The following PCDHA3 variants were observed in gnomAD, a reference collection of about 807,000 sequenced individuals.
The protein encoded by PCDHA3 is protocadherin alpha-3.
PCDHA3 carries 41 observed loss-of-function variants against 62.2 expected under a neutral mutation model. The observed-to-expected ratio is 0.66, with a 90% CI of 0.51 to 0.86. PCDHA3 has a LOEUF of 0.86. Among genes scored for constraint, PCDHA3 ranks in the 40% least tolerant of loss-of-function variants. The pLI is 0.00. For synonymous variants in PCDHA3, 640 were observed against 555.4 expected (o/e 1.15, Z -2.14); for missense variants, 1,304 against 1,241.2 (o/e 1.05, Z -0.76).
intron 3 of PCDHA3, among the ~76,000 whole-genome samples, chr5:140,991,033 T>C (rs2097428117): frequency 6.6e-6 from 1 of 152,212 alleles, no homozygotes; most frequent in African/African-American, 2.4e-5. Context: ...ATATGTTGCA[T>C]ACTTAACTTT....
intron 1 of PCDHA3, chr5:140,967,316 A>G (rs368129984): frequency 4.3e-6 from 7 of 1,610,310 alleles, no homozygotes; most frequent in African/African-American, 4.0e-5. Context: ...CTCAGTACAG[A>G]CCTACGAGCT....
intron 1 of PCDHA3, among the ~76,000 whole-genome samples, chr5:140,958,643 T>C (rs2095435479): frequency 1.3e-5 from 2 of 152,020 alleles, no homozygotes. Flanking sequence ...AGAAAACCAA[T>C]CACAGAAAGC....
intron 3 of PCDHA3, among the ~76,000 whole-genome samples, chr5:140,993,994 A>T (rs1393081374): frequency 6.6e-6 from 1 of 152,234 alleles, no homozygotes; most frequent in African/African-American, 2.4e-5. Context: ...CACTTAGGTC[A>T]GGCCAGGCTC....
chr5:140,927,756 T>G (rs782307164), intron 1 of PCDHA3: 2 of 1,614,012 alleles, frequency 1.2e-6, no homozygotes, highest in South Asian at 1.1e-5. Flanking sequence ...ACGTGCACCC[T>G]AAAAGTGGGG....
At chr5:140,894,527 G>T (rs1184887485) in intron 1 of PCDHA3, among the ~76,000 whole-genome samples, 1 of 151,472 alleles carries the variant, frequency 6.6e-6, no homozygotes, top group African/African-American at 2.4e-5. Flanking sequence ...ATGCTGTTAT[G>T]TGCCTTCTGG....
intron 1 of PCDHA3, chr5:140,928,982 G>T: frequency 6.2e-7 from 1 of 1,613,824 alleles, no homozygotes; most frequent in Non-Finnish European, 8.5e-7. Flanking sequence ...TTATTTCTGG[G>T]GTGCTTACTT....
intron 1 of PCDHA3, chr5:140,967,077 G>A (rs1483899506): frequency 1.9e-6 from 3 of 1,613,140 alleles, no homozygotes; most frequent in South Asian, 1.1e-5. Context: ...GTCAACGAGC[G>A]CATTGATCGG....
intron 1 of PCDHA3, chr5:140,858,779 C>T (rs771428982): frequency 5.0e-6 from 2 of 403,886 alleles, no homozygotes; most frequent in Non-Finnish European, 9.0e-6. Flanking sequence ...ATTAGTACTT[C>T]ATGTTATTTC....
At chr5:140,818,416 A>G (rs1766351066) in intron 1 of PCDHA3, among the ~76,000 whole-genome samples, 1 of 152,192 alleles carries the variant, frequency 6.6e-6, no homozygotes, top group African/African-American at 2.4e-5. Context: ...TTCCTTTTTA[A>G]AAATATATTT....
At chr5:140,987,960 C>G (rs2097275437) in intron 3 of PCDHA3, among the ~76,000 whole-genome samples, 1 of 152,120 alleles carries the variant, frequency 6.6e-6, no homozygotes, top group African/African-American at 2.4e-5. Flanking sequence ...AACCAACTCC[C>G]CATGGAAAGA....
chr5:140,842,441 G>T (rs1554139039), intron 1 of PCDHA3: 3 of 1,613,636 alleles, frequency 1.9e-6, no homozygotes, highest in Non-Finnish European at 2.5e-6. Flanking sequence ...CCTAATTAGC[G>T]TGAACGACCT....
chr5:140,837,615 C>T (rs1253493684), intron 1 of PCDHA3, among the ~76,000 whole-genome samples: 3 of 145,806 alleles, frequency 2.1e-5, no homozygotes, highest in Non-Finnish European at 4.5e-5. Flanking sequence ...TATAATTTGC[C>T]CCTTCCTTCC....
chr5:140,888,088 C>G (rs941828532), intron 1 of PCDHA3, among the ~76,000 whole-genome samples: 3 of 151,906 alleles, frequency 2.0e-5, no homozygotes, highest in African/African-American at 4.8e-5. Flanking sequence ...ACATTTTTGT[C>G]CTTAGTTTGC....
rs782449567 is a variant in PCDHA3, at chr5:140,928,010, G to T, written c.2395-50939G>T. 4.3e-6 allele frequency: 7 copies of T among 1,614,168 alleles called. No individual in the cohort carries two copies. In the South Asian group the frequency reaches 6.6e-5, roughly 15 times the overall value. On this transcript the variant is annotated intron_variant, in intron 1 of 3. Coordinates refer to ENST00000522353, the MANE Select transcript of PCDHA3 (RefSeq NM_018906.3). Reference sequence around the variant, plus strand: ...AAGGATGAAGACCTCGATTCTAATGGTAGGGTCATTTGTGGCATGTCTAGT... The same window carrying T: ...AAGGATGAAGACCTCGATTCTAATGTTAGGGTCATTTGTGGCATGTCTAGT...
At position 140,801,845 on chromosome 5, in the gene PCDHA3, T is replaced by A. The variant is rs781833245; in HGVS notation, c.648T>A (p.Asp216Glu). The A allele has an allele frequency of 9.3e-6, 15 of 1,613,946 alleles. No homozygotes were observed. The Admixed American group carries it at 2.5e-4, about 27-fold the overall frequency. ...PKHYLLITAI[D>E]GGKPELTGTT... Reference sequence around the variant, plus strand: ...ATTATTTACTAATAACAGCAATTGATGGTGGGAAACCAGAGCTCACTGGCA... The same window carrying A: ...ATTATTTACTAATAACAGCAATTGAAGGTGGGAAACCAGAGCTCACTGGCA... Residue 216 changes from aspartate to glutamate, a missense_variant, in exon 1 of 4, where the codon GAT (aspartate) becomes GAA (glutamate). Transcript: ENST00000522353.
At chr5:140,959,331 T>C (rs1170663171) in intron 1 of PCDHA3, among the ~76,000 whole-genome samples, 1 of 152,072 alleles carries the variant, frequency 6.6e-6, no homozygotes. Flanking sequence ...GTTTTGATTA[T>C]GCTACTGCAC....
intron 1 of PCDHA3, chr5:140,926,601 T>G: frequency 3.1e-6 from 1 of 317,718 alleles, no homozygotes; most frequent in Non-Finnish European, 5.7e-6. Context: ...GCGGGCGGCC[T>G]CGTCTCTGCA....
Position 140,856,142 on chromosome 5 carries a change from T to C in PCDHA3, c.2394+52551T>C. 6.3e-7 allele frequency: 1 copy of C among 1,598,234 alleles called. No homozygotes were observed. Among genetic ancestry groups the C allele is most frequent in the Non-Finnish European group, 8.6e-7 (1 of 1,167,842 alleles). ...GGAGGTGGGGAGCGGCCAGCTCCAC[T>C]ACTCAGTCTACGAGGAGGCCAGACA... On this transcript the variant is annotated intron_variant, in intron 1 of 3. Transcript: ENST00000522353.
intron 1 of PCDHA3, chr5:140,828,577 T>C: frequency 6.2e-7 from 1 of 1,614,252 alleles, no homozygotes; most frequent in Non-Finnish European, 8.5e-7. Flanking sequence ...ATGCAGATGT[T>C]GGCTCAAATT....
Sources: allele counts gnomAD v4.1 joint callset (sites outside exome capture counted in the v4.1 genomes callset), GRCh38; gene constraint gnomAD v4.1.1; transcripts MANE v1.5; gene names NCBI Gene and HGNC (gene_info 2026-07-23, HGNC 2026-07-21).